Variants in DOCK9 observed in about 807,000 individuals in gnomAD.
The protein encoded by DOCK9 is dedicator of cytokinesis 9, also known as dedicator of cytokinesis protein 9.
In DOCK9, 89 loss-of-function variants were observed where a neutral mutation model predicts 263.3. The ratio of observed to expected loss-of-function variants is 0.34; its 90% CI spans 0.28 to 0.40. The LOEUF is 0.40. DOCK9 is among the 10% of genes least tolerant of loss of function. DOCK9 has a pLI of 1.00. For missense variants in DOCK9, 2,140 were observed against 2,603.4 expected (o/e 0.82, Z 3.87); for synonymous variants, 976 against 973.1 (o/e 1.00, Z -0.06).
At chr13:99,087,829 G>C, upstream of DOCK9, 1 of 152,420 alleles carries the variant, frequency 6.6e-6, no homozygotes, top group East Asian at 1.9e-4. Flanking sequence ...CCGATGGACA[G>C]TTCCTTACCT....
chr13:99,076,327 G>A (rs2041909054), intron 1 of DOCK9, among the ~76,000 whole-genome samples: 1 of 152,162 alleles, frequency 6.6e-6, no homozygotes, highest in Non-Finnish European at 1.5e-5. Context: ...AGTTAGATCA[G>A]TGTCTTCTTT....
intron 39 of DOCK9, among the ~76,000 whole-genome samples, chr13:98,832,465 C>T (rs2092803733): frequency 1.3e-5 from 2 of 152,136 alleles, no homozygotes; most frequent in Non-Finnish European, 2.9e-5. Context: ...CAGTAGGTGG[C>T]ATCTAGTAGG....
chr13:98,831,817 C>T, intron 39 of DOCK9, 31 bp from the exon 40 acceptor site: 1 of 1,609,148 alleles, frequency 6.2e-7, no homozygotes, highest in East Asian at 2.2e-5. Context: ...CTTTGTTAGA[C>T]ATACCAGTCA....
intron 33 of DOCK9, 164 bp downstream of exon 33, chr13:98,860,241 A>T (rs2093821583): frequency 6.9e-7 from 1 of 1,458,168 alleles, no homozygotes; most frequent in African/African-American, 1.4e-5. Flanking sequence ...GGCATGGCTG[A>T]GGGGTTTCAG....
intron 47 of DOCK9, chr13:98,809,115 G>A (rs897376985): frequency 7.8e-6 from 12 of 1,544,618 alleles, no homozygotes; most frequent in Non-Finnish European, 8.7e-6. Context: ...TAAGGAGGAA[G>A]AACTTACCGC....
At chr13:98,912,986 C>T (rs1418684949) in intron 9 of DOCK9, among the ~76,000 whole-genome samples, 3 of 152,164 alleles carry the variant, frequency 2.0e-5, no homozygotes, top group African/African-American at 7.2e-5. Flanking sequence ...ATAACACAAA[C>T]ACACAAGCCA....
Position 98,880,565 on chromosome 13 carries a change from G to A in DOCK9, c.2853C>T (p.Thr951=), listed in dbSNP as rs200405277. Residue 951 remains threonine, a synonymous_variant, in exon 26 of 53, where the codon ACC becomes ACT. Coordinates refer to ENST00000682017, the MANE Select transcript of DOCK9 (RefSeq NM_001366683.2). ...GACATACCTTCAGTAGTTTGTTGCT[G>A]GTGAGGAAATCGGCAGAAGGCTTGA... ...TILKPSADFL[T]SNKLLKYSWF... The A allele has an allele frequency of 1.2e-6, 2 of 1,613,866 alleles. No homozygotes were observed. The highest frequency in any genetic ancestry group is 1.1e-5 in the South Asian group (1 of 91,046).
At chr13:99,034,195 G>A (rs1350066140) in intron 1 of DOCK9, among the ~76,000 whole-genome samples, 1 of 152,124 alleles carries the variant, frequency 6.6e-6, no homozygotes, top group Non-Finnish European at 1.5e-5. Context: ...CATTCCAACT[G>A]GTTAAAACCA....
rs2085574491 is a variant in DOCK9, at chr13:98,824,387, C to A, written c.5130+11G>T. The A allele has an allele frequency of 1.9e-6, 3 of 1,612,970 alleles. No homozygotes were observed. The highest frequency in any genetic ancestry group is 2.2e-5 in the South Asian group (2 of 91,056). On this transcript the variant is annotated intron_variant, in intron 45 of 52. Coordinates refer to ENST00000682017, the MANE Select transcript of DOCK9 (RefSeq NM_001366683.2). ...CAGTACCTGAAAGCCCACATGAGTT[C>A]AAGCACGCACCTCGTTGAAATGGAC...
intron 2 of DOCK9, among the ~76,000 whole-genome samples, chr13:98,948,173 AAGAGGAAAAGAACC>A (rs1407521666): frequency 6.6e-6 from 1 of 152,188 alleles, no homozygotes; most frequent in Non-Finnish European, 1.5e-5. Flanking sequence ...ATGTAAGTAG[AAGAGGAAAAGAACC>A]AGAGGAAAAA....
chr13:98,871,698 C>T (rs2094190708), intron 27 of DOCK9: 1 of 152,264 alleles, frequency 6.6e-6, no homozygotes, highest in Non-Finnish European at 1.5e-5. Context: ...TCAGCCAAAC[C>T]AACCTCAACT....
In DOCK9 at chr13:98,947,993, T is replaced by C. The variant is rs539063790; in HGVS notation, c.243+7442A>G. ...CCAAAAACAAAGTATTGAGGGTTTT[T>C]TTCTTTTGGCTCTATATAAGAAAAG... On this transcript the variant is annotated intron_variant, in intron 2 of 52. Transcript: ENST00000682017. Among the ~76,000 whole-genome samples, 6 of 152,352 alleles carry C rather than the reference T, an allele frequency of 3.9e-5. No homozygotes were observed. The South Asian group carries it at 6.2e-4, about 16-fold the overall frequency.
intron 1 of DOCK9, among the ~76,000 whole-genome samples, chr13:98,960,962 T>C (rs1167862257): frequency 6.6e-6 from 1 of 152,188 alleles, no homozygotes; most frequent in Non-Finnish European, 1.5e-5. Flanking sequence ...TTCTTTGCTT[T>C]CTATGATTGT....
intron 1 of DOCK9, among the ~76,000 whole-genome samples, chr13:98,983,617 A>ATTTTTTTTTTTTTTT (rs201942759): frequency 1.4e-5 from 2 of 143,792 alleles, no homozygotes; most frequent in African/African-American, 2.5e-5. Context: ...AATTATTATT[A>ATTTTTTTTTTTTTTT]TTATTATTTT....
chr13:98,998,504 C>T (rs1881565707), intron 1 of DOCK9, among the ~76,000 whole-genome samples: 1 of 152,174 alleles, frequency 6.6e-6, no homozygotes, highest in Non-Finnish European at 1.5e-5. Flanking sequence ...GAGTCTCACA[C>T]CAAGCTTCCA....
chr13:98,901,829 C>T lies in DOCK9; in HGVS notation c.1452G>A (p.Gly484=). The change falls in exon 13 of 53, where the codon GGG becomes GGA. Residue 484 remains glycine, a synonymous_variant. Transcript: ENST00000682017. The stretch of plus-strand genomic sequence containing the variant: ...ATGGCTCAGCGCAATGTGTGATGCT[C>T]CCCTGAAGGACTTTTTCAATTCTGG... ...LVARIEKVLQ[G]SITHCAEPYM... The T allele has an allele frequency of 1.9e-6, 3 of 1,612,766 alleles. No individual in the cohort carries two copies. The highest frequency in any genetic ancestry group is 2.5e-6 in the Non-Finnish European group (3 of 1,179,310).
At position 98,860,610 on chromosome 13, in the gene DOCK9, C is replaced by T. The variant is rs575535913; in HGVS notation, c.3580-88G>A. ...TGGAAGTGCCAGGGCAAGTGCAGGA[C>T]CAAGACAGCCTGATGCATTCAACGT... On this transcript the variant is annotated intron_variant, in intron 32 of 52. Transcript: ENST00000682017. 1.3e-4 allele frequency: 163 copies of T among 1,279,978 alleles called. No individual in the cohort carries two copies. The Middle Eastern group carries it at 2.2e-3, about 17-fold the overall frequency. The allele number at this position is 1,279,978 out of a possible 1,614,324, so 79.3% of individuals were successfully genotyped here.
chr13:98,892,592 A>T (rs948448005), intron 15 of DOCK9, among the ~76,000 whole-genome samples: 4 of 152,250 alleles, frequency 2.6e-5, no homozygotes, highest in Admixed American at 6.5e-5. Context: ...AAATTCAATA[A>T]GCATTTATCA....
chr13:98,895,640 G>A (rs2047314647), intron 15 of DOCK9, among the ~76,000 whole-genome samples: 1 of 150,840 alleles, frequency 6.6e-6, no homozygotes, highest in South Asian at 2.1e-4. Context: ...ACGCCAGCCT[G>A]AGGGACAGAG....
Sources: allele counts gnomAD v4.1 joint callset (sites outside exome capture counted in the v4.1 genomes callset), GRCh38; gene constraint gnomAD v4.1.1; transcripts MANE v1.5; gene names NCBI Gene and HGNC (gene_info 2026-07-23, HGNC 2026-07-21).